CCDC83: variants seen among roughly 807,000 people sequenced by gnomAD.
CCDC83 encodes the protein coiled-coil domain containing 83, also known as coiled-coil domain-containing protein 83.
A neutral mutation model predicts 50.1 loss-of-function variants in CCDC83; 54 were observed. That is an observed-to-expected ratio of 1.08 (90% CI 0.87 to 1.35). The LOEUF (loss-of-function observed/expected upper bound fraction) is 1.35, where lower values mean the gene tolerates loss of function less well. CCDC83 is among the 40% of genes most tolerant of loss of function. The probability of loss-of-function intolerance (pLI) is 0.00; values close to 1 mark genes in which losing one functional copy is unlikely to be tolerated. For synonymous variants in CCDC83, 161 were observed against 153.3 expected, an observed-to-expected ratio of 1.05 and a Z score of -0.37; for missense variants, 518 against 473.9, an observed-to-expected ratio of 1.09 and a Z score of -0.86.
upstream of CCDC83, chr11:85,855,371 C>G (rs2093133444): frequency 6.6e-6 from 1 of 152,356 alleles, no homozygotes; most frequent in African/African-American, 2.4e-5. Context: ...GGGGTCGCGC[C>G]CTCCTGGTCT....
chr11:85,862,048 G>C (rs1419019104), intron 1 of CCDC83, among the ~76,000 whole-genome samples: 1 of 144,698 alleles, frequency 6.9e-6, no homozygotes, highest in East Asian at 2.0e-4. Flanking sequence ...AAGCTTTCTA[G>C]ATACTGAGCC....
At chr11:85,906,360 C>T (rs991193050) in intron 7 of CCDC83, among the ~76,000 whole-genome samples, 2 of 152,092 alleles carry the variant, frequency 1.3e-5, no homozygotes, top group African/African-American at 4.8e-5. Flanking sequence ...AGCCACCTTG[C>T]CCAGCCTCAA....
At chr11:85,888,008 A>G (rs2093335115) in intron 5 of CCDC83, among the ~76,000 whole-genome samples, 1 of 152,052 alleles carries the variant, frequency 6.6e-6, no homozygotes, top group South Asian at 2.1e-4. Context: ...TGTGTTTCCC[A>G]GGCTGGTAAC....
chr11:85,899,118 T>C (rs953360754), intron 7 of CCDC83, 103 bp downstream of exon 7: 16 of 778,608 alleles, frequency 2.1e-5, no homozygotes, highest in Non-Finnish European at 3.2e-5. Context: ...CATGGTACCA[T>C]GACTGACTGA....
chr11:85,883,066 C>T (rs1348510684), intron 4 of CCDC83, among the ~76,000 whole-genome samples: 1 of 152,006 alleles, frequency 6.6e-6, no homozygotes, highest in Admixed American at 6.6e-5. Flanking sequence ...TCCAGGTGCA[C>T]ACCACTATGC....
intron 5 of CCDC83, 27 bp from the exon 6 acceptor site, chr11:85,895,266 T>TTTC: frequency 1.1e-5 from 1 of 89,164 alleles, no homozygotes; most frequent in Non-Finnish European, 1.7e-5. Flanking sequence ...TTAATTTTCT[T>TTTC]TTTTTTTTTT....
intron 7 of CCDC83, among the ~76,000 whole-genome samples, chr11:85,899,811 T>C (rs1365658686): frequency 6.6e-6 from 1 of 152,194 alleles, no homozygotes. Context: ...AAGGGATTAA[T>C]CAAATAAATA....
chr11:85,894,448 G>A (rs963054068), intron 5 of CCDC83, among the ~76,000 whole-genome samples: 1 of 152,152 alleles, frequency 6.6e-6, no homozygotes, highest in Non-Finnish European at 1.5e-5. Context: ...AGATTAACTC[G>A]TTTGGAGTAG....
chr11:85,867,990 T>C (rs1366827443), intron 2 of CCDC83, among the ~76,000 whole-genome samples: 1 of 152,082 alleles, frequency 6.6e-6, no homozygotes, highest in East Asian at 1.9e-4. Context: ...GCCAAGACAT[T>C]TCCTCTCACC....
At position 85,919,565 on chromosome 11, in the gene CCDC83, T is replaced by G. The variant is rs1284852882; in HGVS notation, c.*55T>G. On this transcript the variant is annotated 3_prime_UTR_variant, in exon 11 of 11. Coordinates refer to ENST00000342404, the MANE Select transcript of CCDC83 (RefSeq NM_001286159.2). ...TTCCTTATAAATGTTCTTTGGGAAC[T>G]GAAGTATATCCGTTGCCCATTTTAC... is the stretch of plus-strand genomic sequence containing the variant. 12 of 1,337,160 alleles carry G rather than the reference T, an allele frequency of 9.0e-6. No homozygotes were observed. Among genetic ancestry groups the G allele is most frequent in the Non-Finnish European group, 1.2e-5 (11 of 955,672 alleles). The allele number at this position is 1,337,160 out of a possible 1,614,324, so 82.8% of individuals were successfully genotyped here.
At chr11:85,914,299 G>A (rs1178466625) in intron 8 of CCDC83, among the ~76,000 whole-genome samples, 2 of 152,162 alleles carry the variant, frequency 1.3e-5, no homozygotes, top group Non-Finnish European at 1.5e-5. Context: ...ATTTGCAAGC[G>A]TTCAATTACT....
chr11:85,916,203 C>G lies in CCDC83; in HGVS notation c.1050C>G (p.Tyr350Ter). The G allele has an allele frequency of 1.2e-6, 2 of 1,611,890 alleles. No homozygotes were observed. The highest frequency in any genetic ancestry group is 8.5e-7 in the Non-Finnish European group (1 of 1,178,648). Residue 350 changes from tyrosine to a stop codon, truncating the protein, a stop_gained, in exon 10 of 11, where the codon TAC becomes TAG. Coordinates refer to ENST00000342404, the MANE Select transcript of CCDC83 (RefSeq NM_001286159.2). LOFTEE classifies it high-confidence loss of function. The stretch of plus-strand genomic sequence containing the variant: ...AGTTTGGGGACACTGATATGAAGTA[C>G]TTACTATATGAGGATGAGAAGGATT... Reference protein sequence around the residue: ...GTEFGDTDMKYLLYEDEKDFK... With the variant: ...GTEFGDTDMK
At chr11:85,887,524 A>G (rs529509273) in intron 5 of CCDC83, among the ~76,000 whole-genome samples, 1 of 152,286 alleles carries the variant, frequency 6.6e-6, no homozygotes, top group Admixed American at 6.5e-5. Context: ...CAGTCTGGGC[A>G]TGAAGTTCCA....
In CCDC83 at chr11:85,895,410, G is replaced by C. The variant is rs201576196; in HGVS notation, c.603+26G>C. 20 of 1,356,720 alleles carry C rather than the reference G, an allele frequency of 1.5e-5. No individual in the cohort carries two copies. The Admixed American group carries it at 3.1e-4, about 21-fold the overall frequency. The allele number at this position is 1,356,720 out of a possible 1,614,324, so 84.0% of individuals were successfully genotyped here. The stretch of plus-strand genomic sequence containing the variant: ...GTATAATTCAATTTTCTTAAAAACA[G>C]AACAAAACAAACATTTTCCCCCTAT... On this transcript the variant is annotated intron_variant, in intron 6 of 10. Coordinates refer to ENST00000342404, the MANE Select transcript of CCDC83 (RefSeq NM_001286159.2).
intron 8 of CCDC83, among the ~76,000 whole-genome samples, chr11:85,914,929 G>A (rs781379753): frequency 6.6e-5 from 10 of 152,162 alleles, no homozygotes; most frequent in Non-Finnish European, 1.0e-4. Context: ...AGTGCAGAGC[G>A]AAGGTTGGAG....
chr11:85,875,816 T>C (rs1271025666), intron 3 of CCDC83, among the ~76,000 whole-genome samples: 2 of 152,206 alleles, frequency 1.3e-5, no homozygotes, highest in African/African-American at 4.8e-5. Flanking sequence ...TATGTATATT[T>C]AGTTCTGTTT....
intron 8 of CCDC83, among the ~76,000 whole-genome samples, chr11:85,912,010 A>T (rs950185611): frequency 3.9e-5 from 6 of 152,174 alleles, no homozygotes; most frequent in Non-Finnish European, 5.9e-5. Flanking sequence ...ACAGAAACCT[A>T]GGGCCCTTGA....
intron 5 of CCDC83, among the ~76,000 whole-genome samples, chr11:85,891,094 A>G (rs1276469038): frequency 6.6e-6 from 1 of 152,134 alleles, no homozygotes; most frequent in Non-Finnish European, 1.5e-5. Context: ...CTGATCTGTG[A>G]CTGTCCCTCT....
chr11:85,875,916 T>C (rs1374484343), intron 3 of CCDC83, among the ~76,000 whole-genome samples: 1 of 152,230 alleles, frequency 6.6e-6, no homozygotes, highest in Non-Finnish European at 1.5e-5. Flanking sequence ...CTCTGTCTAC[T>C]TCCCTACTCT....
Sources: allele counts gnomAD v4.1 joint callset (sites outside exome capture counted in the v4.1 genomes callset), GRCh38; gene constraint gnomAD v4.1.1; transcripts MANE v1.5; gene names NCBI Gene and HGNC (gene_info 2026-07-23, HGNC 2026-07-21).